ZNF569: variants seen among roughly 807,000 people sequenced by gnomAD.
ZNF569 encodes DNA-binding protein.
A neutral mutation model predicts 56.3 loss-of-function variants in ZNF569; 38 were observed. The ratio of observed to expected loss-of-function variants is 0.68; its 90% CI spans 0.52 to 0.88. ZNF569 has a LOEUF of 0.88. Among genes scored for constraint, ZNF569 ranks in the 40% least tolerant of loss-of-function variants. ZNF569 has a pLI of 0.00. For missense variants in ZNF569, 666 were observed against 809.2 expected (o/e 0.82, Z 2.15); for synonymous variants, 241 against 262.9 (o/e 0.92, Z 0.81).
chr19:37,458,224 G>C (rs763534501), intron 2 of ZNF569, among the ~76,000 whole-genome samples: 2 of 152,066 alleles, frequency 1.3e-5, no homozygotes, highest in Admixed American at 6.6e-5. Flanking sequence ...TTTTATTTTA[G>C]ATTCAAGGGG....
At chr19:37,437,495 G>A (rs2041330384) in intron 3 of ZNF569, among the ~76,000 whole-genome samples, 1 of 152,104 alleles carries the variant, frequency 6.6e-6, no homozygotes, top group African/African-American at 2.4e-5. Context: ...AATCAGATAA[G>A]AGAAAGAAGT....
chr19:37,429,660 C>A (rs2041193752), intron 3 of ZNF569, among the ~76,000 whole-genome samples: 2 of 152,238 alleles, frequency 1.3e-5, no homozygotes, highest in South Asian at 4.1e-4. Flanking sequence ...GTCATGACAC[C>A]CCAACACTGC....
At chr19:37,415,671 C>T (rs2040916815) in intron 5 of ZNF569, among the ~76,000 whole-genome samples, 1 of 150,430 alleles carries the variant, frequency 6.6e-6, no homozygotes. Context: ...GAGATTGAGA[C>T]CATCCTGGCT....
At chr19:37,415,603 G>T (rs1292052504) in intron 5 of ZNF569, among the ~76,000 whole-genome samples, 2 of 151,996 alleles carry the variant, frequency 1.3e-5, no homozygotes, top group African/African-American at 4.8e-5. Flanking sequence ...GGGCGCGGTG[G>T]CTCATGCCTA....
chr19:37,462,610 A>T (rs961500980), intron 2 of ZNF569, among the ~76,000 whole-genome samples: 40 of 152,092 alleles, frequency 2.6e-4, no homozygotes, highest in African/African-American at 9.4e-4. Flanking sequence ...AGTTCTTGTT[A>T]AAACACATTC....
At chr19:37,460,549 C>A (rs907675791) in intron 2 of ZNF569, among the ~76,000 whole-genome samples, 2 of 148,358 alleles carry the variant, frequency 1.3e-5, no homozygotes, top group Non-Finnish European at 1.5e-5. Flanking sequence ...AAAAAAAAAA[C>A]AACTATATAT....
intron 5 of ZNF569, among the ~76,000 whole-genome samples, chr19:37,423,841 T>C (rs114338258): frequency 6.6e-6 from 1 of 152,226 alleles, no homozygotes. Flanking sequence ...GCTACCATTT[T>C]TCACCTCAGT....
At chr19:37,421,641 G>A (rs1337102395) in intron 5 of ZNF569, among the ~76,000 whole-genome samples, 1 of 151,608 alleles carries the variant, frequency 6.6e-6, no homozygotes, top group Non-Finnish European at 1.5e-5. Context: ...TGCTGTGGCT[G>A]GTTTGATCTT....
At chr19:37,428,930 C>T (rs537865630) in intron 3 of ZNF569, among the ~76,000 whole-genome samples, 24 of 152,162 alleles carry the variant, frequency 1.6e-4, no homozygotes, top group Non-Finnish European at 2.8e-4. Flanking sequence ...GCCTCGGCCT[C>T]CCAAAGTGCT....
At chr19:37,465,850 C>T (rs1373392530) in intron 1 of ZNF569, among the ~76,000 whole-genome samples, 1 of 152,136 alleles carries the variant, frequency 6.6e-6, no homozygotes, top group African/African-American at 2.4e-5. Flanking sequence ...TGCTGATAAA[C>T]ACAGTTTATA....
chr19:37,467,739 C>G (rs2041872160), upstream of ZNF569: 1 of 720,104 alleles, frequency 1.4e-6, no homozygotes, highest in Admixed American at 2.1e-5. Flanking sequence ...TGTGAAACTT[C>G]GGCCATGGAA....
At chr19:37,426,511 T>G in intron 3 of ZNF569, 133 bp from the exon 4 acceptor site, 1 of 975,282 alleles carries the variant, frequency 1.0e-6, no homozygotes, top group Non-Finnish European at 1.4e-6. Context: ...ATCCTGTCAT[T>G]TATGTTCATT....
intron 2 of ZNF569, among the ~76,000 whole-genome samples, chr19:37,446,083 G>T (rs2041488279): frequency 6.6e-6 from 1 of 152,072 alleles, no homozygotes; most frequent in Non-Finnish European, 1.5e-5. Context: ...AAACAGCATG[G>T]TACTGGTATA....
At position 37,412,531 on chromosome 19, in the gene ZNF569, G is replaced by A; in HGVS notation, c.*66C>T. On this transcript the variant is annotated 3_prime_UTR_variant, in exon 6 of 6. Coordinates refer to ENST00000316950, the MANE Select transcript of ZNF569 (RefSeq NM_152484.3). Reference sequence around the variant, plus strand: ...AGTTTTCTACTCTGGAAGTGATCATGTAATGTGCAATGAGGTGTTAATTCC... The same window carrying A: ...AGTTTTCTACTCTGGAAGTGATCATATAATGTGCAATGAGGTGTTAATTCC... 2.0e-6 allele frequency: 3 copies of A among 1,506,232 alleles called. No individual in the cohort carries two copies. Among genetic ancestry groups the A allele is most frequent in the African/African-American group, 2.8e-5 (2 of 71,724 alleles). 93.3% of individuals were successfully genotyped at this position (1,506,232 alleles called of 1,614,324 possible). A position where few individuals can be genotyped will look rare whatever the true frequency, so the allele number is the denominator to read the frequency against.
In ZNF569 at chr19:37,439,645, T is replaced by G. The variant is rs189763066; in HGVS notation, c.15+5262A>C. ...TTGTTTATTCACAATAGCCAAGATT[T>G]GGAATCAAGCTAAGTGCCCATCAGG... On this transcript the variant is annotated intron_variant, in intron 3 of 5. Transcript: ENST00000316950. Among the ~76,000 whole-genome samples the G allele has an allele frequency of 4.9e-4, 75 of 152,324 alleles. 1 individual carries two copies. In the South Asian group the frequency reaches 6.2e-3, roughly 13 times the overall value.
intron 5 of ZNF569, among the ~76,000 whole-genome samples, chr19:37,421,024 T>G (rs910382872): frequency 1.3e-5 from 2 of 152,216 alleles, no homozygotes; most frequent in African/African-American, 4.8e-5. Context: ...GCACTGTCAA[T>G]GAGCAATACT....
In ZNF569 at chr19:37,414,041, C is replaced by A. The variant is rs762312182; in HGVS notation, c.617G>T (p.Arg206Ile). The A allele has an allele frequency of 6.2e-7, 1 of 1,613,496 alleles. No individual in the cohort carries two copies. The highest frequency in any genetic ancestry group is 1.1e-5 in the South Asian group (1 of 91,034). ...ATAGGGCTTCTCTCCAGTATGAATT[C>A]TCAGATGTCTGATGAGGTCCAAAGT... The part of the protein sequence containing the change: ...NQTLDLIRHL[R>I]IHTGEKPYEC... Residue 206 changes from arginine (R) to isoleucine (I), a missense_variant, in exon 6 of 6, where the codon AGA (arginine) becomes ATA (isoleucine). Coordinates refer to ENST00000316950, the MANE Select transcript of ZNF569 (RefSeq NM_152484.3).
chr19:37,415,501 A>G (rs1600287101), intron 5 of ZNF569, among the ~76,000 whole-genome samples: 2 of 152,184 alleles, frequency 1.3e-5, no homozygotes, highest in Non-Finnish European at 2.9e-5. Flanking sequence ...AAAGTCAGAA[A>G]TAAGAAAAGA....
intron 2 of ZNF569, chr19:37,454,899 C>A (rs1280110735): frequency 1.4e-6 from 1 of 702,052 alleles, no homozygotes; most frequent in East Asian, 2.7e-5. Flanking sequence ...TTTCTCTCAG[C>A]TGGCATCTTT....
Sources: allele counts gnomAD v4.1 joint callset (sites outside exome capture counted in the v4.1 genomes callset), GRCh38; gene constraint gnomAD v4.1.1; transcripts MANE v1.5; gene names NCBI Gene and HGNC (gene_info 2026-07-23, HGNC 2026-07-21).